The following MAPK9 variants were observed in gnomAD, a reference collection of about 807,000 sequenced individuals.
MAPK9 encodes Jun kinase.
A neutral mutation model predicts 57.1 loss-of-function variants in MAPK9; 30 were observed. That is an observed-to-expected ratio of 0.53 (90% confidence interval 0.39 to 0.71). The LOEUF (loss-of-function observed/expected upper bound fraction) is 0.71. Among genes scored for constraint, MAPK9 ranks in the 30% least tolerant of loss-of-function variants. MAPK9 has a pLI of 0.00. For missense variants in MAPK9, 362 were observed against 521.0 expected (o/e 0.69, Z 2.97); for synonymous variants, 155 against 177.0 (o/e 0.88, Z 0.99).
chr5:180,264,913 T>A lies in MAPK9; in HGVS notation c.253-74A>T, dbSNP rs1013422993. 5 of 1,244,520 alleles carry A rather than the reference T, an allele frequency of 4.0e-6. No individual in the cohort carries two copies. In the African/African-American group the frequency reaches 7.8e-5, roughly 19 times the overall value. 77.1% of individuals were successfully genotyped at this position (1,244,520 alleles called of 1,614,324 possible). A position where few individuals can be genotyped will look rare whatever the true frequency, so the allele number is the denominator to read the frequency against. ...ACAAAAATTAAGTTTAATATTGAAATGCATTAAGACGGGAAAAAAATCACA... is the reference window on the plus strand; with the variant it reads ...ACAAAAATTAAGTTTAATATTGAAAAGCATTAAGACGGGAAAAAAATCACA... On this transcript the variant is annotated intron_variant, in intron 3 of 11. Transcript: ENST00000452135.
intron 3 of MAPK9, among the ~76,000 whole-genome samples, chr5:180,266,786 C>T (rs548102566): frequency 6.6e-6 from 1 of 152,200 alleles, no homozygotes; most frequent in Admixed American, 6.5e-5. Flanking sequence ...AACTAATAGT[C>T]TTCCTTGAGG....
Position 180,284,663 on chromosome 5 carries a change from T to C in MAPK9, c.-47-4055A>G, listed in dbSNP as rs71613449. 2.1e-3 allele frequency among the ~76,000 whole-genome samples: 319 copies of C among 152,376 alleles called. 2 individuals are homozygous for C. Among genetic ancestry groups the C allele is most frequent in the Middle Eastern group, 0.014 (4 of 294 alleles). ...TCTAAGTGTATCTGACAAATACGTG[T>C]ACAAGTATCCAAACATATTTGTGCA... On this transcript the variant is annotated intron_variant, in intron 1 of 11. Coordinates refer to ENST00000452135, the MANE Select transcript of MAPK9 (RefSeq NM_002752.5).
chr5:180,249,941 C>A (rs553828067), intron 5 of MAPK9, among the ~76,000 whole-genome samples: 1 of 152,204 alleles, frequency 6.6e-6, no homozygotes, highest in Non-Finnish European at 1.5e-5. Context: ...CTGGACAGCA[C>A]AGGTCTAGAA....
chr5:180,251,822 G>A (rs1758733352), intron 5 of MAPK9, among the ~76,000 whole-genome samples: 1 of 152,146 alleles, frequency 6.6e-6, no homozygotes, highest in Admixed American at 6.5e-5. Context: ...AGCACCCGCA[G>A]CATGAGTGGG....
At chr5:180,267,096 C>T (rs576413002) in intron 3 of MAPK9, among the ~76,000 whole-genome samples, 14 of 152,202 alleles carry the variant, frequency 9.2e-5, no homozygotes, top group East Asian at 5.8e-4. Context: ...AAGAATAACA[C>T]GATTAATCTT....
chr5:180,257,541 C>T (rs979184181), intron 5 of MAPK9: 3 of 152,248 alleles, frequency 2.0e-5, no homozygotes, highest in African/African-American at 7.2e-5. Flanking sequence ...ATCTCTGCCT[C>T]TAGTCTCACT....
In MAPK9 at chr5:180,238,557, G is replaced by A. The variant is rs184215476; in HGVS notation, c.1061-154C>T. 5.9e-5 allele frequency among the ~76,000 whole-genome samples: 9 copies of A among 151,276 alleles called. No homozygotes were observed. The East Asian group carries it at 1.6e-3, about 26-fold the overall frequency. On this transcript the variant is annotated intron_variant, in intron 10 of 11. Transcript: ENST00000452135. ...TCAATTCAGTAATATAGTCTACCTG[G>A]ACCAAAATATTCATATTTTGATACA...
intron 1 of MAPK9, among the ~76,000 whole-genome samples, chr5:180,284,171 G>A (rs1762541784): frequency 6.6e-6 from 1 of 152,186 alleles, no homozygotes; most frequent in African/African-American, 2.4e-5. Flanking sequence ...CTGGGGCTCA[G>A]AAAACAGTTT....
intron 5 of MAPK9, among the ~76,000 whole-genome samples, chr5:180,261,038 T>C (rs1759899338): frequency 1.3e-5 from 2 of 152,198 alleles, no homozygotes; most frequent in Admixed American, 1.3e-4. Flanking sequence ...ATTATATTAA[T>C]TATATTATCG....
rs1234667056 is a variant in MAPK9, at chr5:180,267,393, T to C, written c.252+1887A>G. ...TGGCTAACATGGTGAAACCCCTGTCTCTACTAAAAATACAAAAAATTAGCT... is the reference window on the plus strand; with the variant it reads ...TGGCTAACATGGTGAAACCCCTGTCCCTACTAAAAATACAAAAAATTAGCT... On this transcript the variant is annotated intron_variant, in intron 3 of 11. Coordinates refer to ENST00000452135, the MANE Select transcript of MAPK9 (RefSeq NM_002752.5). Among the ~76,000 whole-genome samples the C allele has an allele frequency of 5.9e-5, 9 of 151,624 alleles. No homozygotes were observed. In the South Asian group the frequency reaches 1.9e-3, roughly 31 times the overall value.
intron 9 of MAPK9, 47 bp downstream of exon 9, chr5:180,240,984 T>C (rs1251060603): frequency 6.4e-7 from 1 of 1,569,950 alleles, no homozygotes; most frequent in Admixed American, 1.8e-5. Flanking sequence ...TCCAAGGAAA[T>C]ATAAGCCTGG....
chr5:180,259,015 C>T (rs991536399), intron 5 of MAPK9, among the ~76,000 whole-genome samples: 1 of 145,992 alleles, frequency 6.8e-6, no homozygotes, highest in Non-Finnish European at 1.5e-5. Flanking sequence ...GCCTGGGCAA[C>T]AGAGCAAGAC....
rs1431874553 is a variant in MAPK9, at chr5:180,249,165, A to C, written c.451-27T>G. ...TAGGAAAGAAATGGCTTAAATTAGT[A>C]AAATGAATGAAGCATGCTAAATAAA... On this transcript the variant is annotated intron_variant, in intron 5 of 11. Transcript: ENST00000452135. The C allele has an allele frequency of 5.0e-6, 8 of 1,592,382 alleles. No homozygotes were observed. In the African/African-American group the frequency reaches 1.1e-4, roughly 21 times the overall value.
At chr5:180,252,081 G>C (rs1758771448) in intron 5 of MAPK9, among the ~76,000 whole-genome samples, 1 of 152,152 alleles carries the variant, frequency 6.6e-6, no homozygotes, top group Non-Finnish European at 1.5e-5. Flanking sequence ...CCACTTGCAG[G>C]GTTCGTGGGG....
rs150794676 is a variant in MAPK9 at position 180,276,930 on chromosome 5, CAAAT to C, written c.122+3506_122+3509del. 5.5e-3 allele frequency among the ~76,000 whole-genome samples: 843 copies of C among 152,190 alleles called. 18 individuals carry two copies. The highest frequency in any genetic ancestry group is 0.051 in the South Asian group (244 of 4,806). On this transcript the variant is annotated intron_variant, in intron 2 of 11. Transcript: ENST00000452135. ...ACTAACATATTTAAAGGAACAAAAA[CAAAT>C]AAACAAATCAAAGACAACTATAAAA...
chr5:180,267,424 T>C lies in MAPK9; in HGVS notation c.252+1856A>G, dbSNP rs1470106719. Among the ~76,000 whole-genome samples, 199 of 151,728 alleles carry C rather than the reference T, an allele frequency of 1.3e-3. 1 individual carries two copies. Among genetic ancestry groups the C allele is most frequent in the Non-Finnish European group, 1.8e-3 (121 of 67,868 alleles). On this transcript the variant is annotated intron_variant, in intron 3 of 11. Transcript: ENST00000452135. ...AAAAATACAAAAAATTAGCTGGGTG[T>C]GGTGGCGGGCACCTGTAGTCCCGGC... is the stretch of plus-strand genomic sequence containing the variant.
intron 2 of MAPK9, among the ~76,000 whole-genome samples, chr5:180,274,334 C>T (rs1353540794): frequency 6.6e-6 from 1 of 152,204 alleles, no homozygotes; most frequent in Non-Finnish European, 1.5e-5. Context: ...ATTAATTTAA[C>T]AAAACGCAGA....
At chr5:180,242,956 A>C in intron 7 of MAPK9, 1 of 458,926 alleles carries the variant, frequency 2.2e-6, no homozygotes, top group Non-Finnish European at 3.8e-6. Flanking sequence ...CATCTTCATA[A>C]ACTATGATCA....
At chr5:180,246,841 C>CA (rs1758156076) in intron 7 of MAPK9, 1 of 152,260 alleles carries the variant, frequency 6.6e-6, no homozygotes. Flanking sequence ...ACCCACTAGA[C>CA]AGATTTTTAA....
Sources: gnomAD v4.1 joint callset for allele counts (sites outside exome capture counted in the v4.1 genomes callset) on GRCh38, gnomAD v4.1.1 for gene constraint, MANE v1.5 for transcripts, NCBI Gene and HGNC (gene_info 2026-07-23, HGNC 2026-07-21) for gene names.